Variants in CARMIL3 observed in about 807,000 individuals in gnomAD.
The protein encoded by CARMIL3 is capping protein regulator and myosin 1 linker 3, also known as capping protein, Arp2/3 and myosin-I linker protein 3.
Under a neutral mutation model 180.8 loss-of-function variants are expected in CARMIL3, and 88 were observed. That is an observed-to-expected ratio of 0.49 (90% CI 0.41 to 0.58). The LOEUF (loss-of-function observed/expected upper bound fraction) is 0.58, where lower values mean the gene tolerates loss of function less well. Among genes scored for constraint, CARMIL3 ranks in the 20% least tolerant of loss-of-function variants. CARMIL3 has a pLI of 0.00. For synonymous variants in CARMIL3, 696 were observed against 714.5 expected (o/e 0.97, Z 0.41); for missense variants, 1,548 against 1,787.0 (o/e 0.87, Z 2.41).
intron 32 of CARMIL3, among the ~76,000 whole-genome samples, 183 bp from the exon 33 acceptor site, chr14:24,064,775 G>A (rs1348283970): frequency 6.6e-6 from 1 of 152,150 alleles, no homozygotes; most frequent in Non-Finnish European, 1.5e-5. Context: ...ACATCAGTCT[G>A]CGGGAAAGGC....
chr14:24,053,670 G>T, intron 1 of CARMIL3, 39 bp from the exon 2 acceptor site: 3 of 1,530,056 alleles, frequency 2.0e-6, no homozygotes, highest in East Asian at 4.5e-5. Flanking sequence ...GGTGGCCAGG[G>T]TAAGGTGAAG....
rs1262499387 is a variant in CARMIL3 at position 24,054,855 on chromosome 14, C to T, written c.460+47C>T. On this transcript the variant is annotated intron_variant, in intron 6 of 39. Transcript: ENST00000342740. The surrounding 1 kb of genome is among the most constrained non-coding windows in gnomAD (Gnocchi z 5.1). The stretch of plus-strand genomic sequence containing the variant: ...GAAAGTAGGCGCTCCACCATCTTGC[C>T]CCATGATCAGAGCCCTTTGTGCACA... 1.3e-6 allele frequency: 2 copies of T among 1,576,156 alleles called. No individual in the cohort carries two copies. Among genetic ancestry groups the T allele is most frequent in the Non-Finnish European group, 1.7e-6 (2 of 1,148,794 alleles).
chr14:24,069,421 C>CT lies in CARMIL3; in HGVS notation c.*18dup, dbSNP rs1427563203. ...ACAGACTGACAACTGCCACAACACC[C>CT]TCCTCAGCCCTCGACATGTGCCTCG... On this transcript the variant is annotated 3_prime_UTR_variant, in exon 40 of 40. Transcript: ENST00000342740. The CT allele has an allele frequency of 6.2e-6, 10 of 1,614,044 alleles. No homozygotes were observed. The highest frequency in any genetic ancestry group is 7.6e-6 in the Non-Finnish European group (9 of 1,180,026).
chr14:24,059,457 G>A lies in CARMIL3; in HGVS notation c.1799+15G>A, dbSNP rs768564857. 17 of 1,557,080 alleles carry A rather than the reference G, an allele frequency of 1.1e-5. No individual in the cohort carries two copies. The African/African-American group carries it at 1.2e-4, about 11-fold the overall frequency. ...TCCTCCCTCAGGTGGGGCCCACACCGGGACCCCCTGACCTGGAGCCCCAGC... is the reference window on the plus strand; with the variant it reads ...TCCTCCCTCAGGTGGGGCCCACACCAGGACCCCCTGACCTGGAGCCCCAGC... On this transcript the variant is annotated intron_variant, in intron 21 of 39. Coordinates refer to ENST00000342740, the MANE Select transcript of CARMIL3 (RefSeq NM_138360.4). The surrounding 1 kb of genome is among the most constrained non-coding windows in gnomAD (Gnocchi z 6.3).
At chr14:24,060,434 C>T (rs1031372856) in intron 24 of CARMIL3, among the ~76,000 whole-genome samples, 179 bp downstream of exon 24, 5 of 152,104 alleles carry the variant, frequency 3.3e-5, no homozygotes, top group Admixed American at 1.3e-4. Context: ...CATATGTGGG[C>T]GAACAGCAGG....
At position 24,055,116 on chromosome 14, in the gene CARMIL3, T is replaced by A. The variant is rs760155602; in HGVS notation, c.511T>A (p.Cys171Ser). ...TCTGTGTGACTACAATGGGCTACAC[T>A]GCCGTGAGGAGGTTCAATGGGTATG... is the stretch of plus-strand genomic sequence containing the variant. ...AALCDYNGLH[C>S]REEVQWDVDT... The change falls in exon 7 of 40, where the codon TGC becomes AGC. Residue 171 changes from cysteine to serine, a missense_variant. Transcript: ENST00000342740. The A allele has an allele frequency of 6.2e-7, 1 of 1,613,924 alleles. No individual in the cohort carries two copies. Among genetic ancestry groups the A allele is most frequent in the Non-Finnish European group, 8.5e-7 (1 of 1,180,008 alleles).
chr14:24,053,631 CCTCTATCTGGAGAG>C lies in CARMIL3; in HGVS notation c.41-73_41-60del, dbSNP rs533647732. On this transcript the variant is annotated intron_variant, in intron 1 of 39. Coordinates refer to ENST00000342740, the MANE Select transcript of CARMIL3 (RefSeq NM_138360.4). Reference sequence around the variant, plus strand: ...CTTATCCCATTTGACCCTGACCCTGCCTCTATCTGGAGAGCTCTGGGAGGTGGGGGTGGCCAGGG... The same window carrying C: ...CTTATCCCATTTGACCCTGACCCTGCCTCTGGGAGGTGGGGGTGGCCAGGG... The C allele has an allele frequency of 6.3e-4, 663 of 1,056,690 alleles. 4 individuals carry two copies. The East Asian group carries it at 9.0e-3, about 14-fold the overall frequency. The allele number at this position is 1,056,690 out of a possible 1,614,324, so 65.5% of individuals were successfully genotyped here. A position where few individuals can be genotyped will look rare whatever the true frequency, so the allele number is the denominator to read the frequency against.
At chr14:24,067,877 TCAGA>T (rs753855882) in intron 36 of CARMIL3, among the ~76,000 whole-genome samples, 6 of 152,374 alleles carry the variant, frequency 3.9e-5, no homozygotes, top group East Asian at 3.9e-4. Flanking sequence ...AATCAGACTT[TCAGA>T]CAGAGTTCTG....
chr14:24,064,109 AAAG>A (rs878964881), intron 31 of CARMIL3, 134 bp from the exon 32 acceptor site: 11,699 of 502,038 alleles, frequency 0.023, 77 homozygotes, highest in East Asian at 0.073. Context: ...AAAAAAAAAA[AAAG>A]AAAAAGAAAC....
Position 24,056,384 on chromosome 14 carries a change from G to T in CARMIL3, c.856G>T (p.Glu286Ter). The T allele has an allele frequency of 6.2e-7, 1 of 1,613,038 alleles. No individual in the cohort carries two copies. Among genetic ancestry groups the T allele is most frequent in the Non-Finnish European group, 8.5e-7 (1 of 1,179,300 alleles). Residue 286 changes from glutamate to a stop codon, truncating the protein, a stop_gained, in exon 11 of 40, where the codon GAG becomes TAG. Coordinates refer to ENST00000342740, the MANE Select transcript of CARMIL3 (RefSeq NM_138360.4). LOFTEE classifies it high-confidence loss of function. ...HALTLSHNPI[E>*]DKGFLSLSQQ... ...CCTCACTCTGTCCCACAACCCCATC[G>T]AGGACAAGGGTGAGCCCCAGCCCTG...
intron 1 of CARMIL3, 50 bp from the exon 2 acceptor site, chr14:24,053,659 G>C: frequency 7.1e-7 from 1 of 1,409,776 alleles, no homozygotes; most frequent in Non-Finnish European, 9.8e-7. Flanking sequence ...TGGGAGGTGG[G>C]GGTGGCCAGG....
At chr14:24,069,062 A>C in intron 38 of CARMIL3, 75 bp from the exon 39 acceptor site, 1 of 1,597,096 alleles carries the variant, frequency 6.3e-7, no homozygotes. Context: ...AGTGACAACC[A>C]GGAGTCACAG....
Position 24,059,224 on chromosome 14 carries a change from G to A in CARMIL3, c.1626+35G>A, listed in dbSNP as rs776926672. 96 of 1,613,666 alleles carry A rather than the reference G, an allele frequency of 5.9e-5. No individual in the cohort carries two copies. In the Admixed American group the frequency reaches 1.1e-3, roughly 19 times the overall value. The stretch of plus-strand genomic sequence containing the variant: ...TGGGCCTGGGAGGGGACCTGCAGTC[G>A]GAGGAGGCTGTGGGGACTGGGTCCA... On this transcript the variant is annotated intron_variant, in intron 20 of 39. Coordinates refer to ENST00000342740, the MANE Select transcript of CARMIL3 (RefSeq NM_138360.4). The surrounding 1 kb of genome is among the most constrained non-coding windows in gnomAD (Gnocchi z 6.3).
Position 24,068,954 on chromosome 14 carries a change from C to G in CARMIL3, c.3970C>G (p.Pro1324Ala). 6.4e-7 allele frequency: 1 copy of G among 1,561,506 alleles called. No individual in the cohort carries two copies. Among genetic ancestry groups the G allele is most frequent in the Non-Finnish European group, 8.7e-7 (1 of 1,152,080 alleles). The change falls in exon 38 of 40, where the codon CCC (proline) becomes GCC (alanine). Residue 1324 changes from proline (P) to alanine (A), a missense_variant. Physicochemically the swap from Pro to Ala is conservative, Grantham distance 27 (BLOSUM62 -1). Coordinates refer to ENST00000342740, the MANE Select transcript of CARMIL3 (RefSeq NM_138360.4). ...RLSSQQDQEEPEVQGPPDPGR... is the reference protein window; with the variant it reads ...RLSSQQDQEEAEVQGPPDPGR... ...GAGCTCACAGCAAGACCAAGAGGAG[C>G]CCGAAGTCCAAGGTCTGCCACCCTG...
rs1472893928 is a variant in CARMIL3, at chr14:24,063,329, G to A, written c.2775G>A (p.Gly925=). The A allele has an allele frequency of 3.8e-6, 6 of 1,595,726 alleles. No homozygotes were observed. In the South Asian group the frequency reaches 5.6e-5, roughly 15 times the overall value. The change falls in exon 31 of 40, where the codon GGG becomes GGA. Residue 925 remains glycine (G), a synonymous_variant. Coordinates refer to ENST00000342740, the MANE Select transcript of CARMIL3 (RefSeq NM_138360.4). ...KIRPVSAFIS[G]SPQDMESQLG... ...CTAATGCTGCTGTCTTTGCAGGCGG[G>A]AGCCCTCAGGACATGGAAAGCCAAC...
At chr14:24,063,714 A>C (rs184875939) in intron 31 of CARMIL3, among the ~76,000 whole-genome samples, 181 bp downstream of exon 31, 30 of 152,272 alleles carry the variant, frequency 2.0e-4, no homozygotes, top group Non-Finnish European at 3.4e-4. Context: ...CTTGTCACAG[A>C]TAAGAAAGCT....
Position 24,056,309 on chromosome 14 carries a change from C to G in CARMIL3, c.781C>G (p.Gln261Glu). 6.2e-7 allele frequency: 1 copy of G among 1,613,860 alleles called. No homozygotes were observed. Among genetic ancestry groups the G allele is most frequent in the Non-Finnish European group, 8.5e-7 (1 of 1,179,838 alleles). ...TCCCCTTCCCTGAAGGGACTTTGTC[C>G]AGAAGCTGGCCGGGGTGTTTGGGGA... Reference protein sequence around the residue: ...DNAGLKTDFVQKLAGVFGENG... With the variant: ...DNAGLKTDFVEKLAGVFGENG... The change falls in exon 11 of 40, where the codon CAG becomes GAG. Residue 261 changes from glutamine (Q) to glutamate (E), a missense_variant. Gln to Glu is a conservative substitution (Grantham distance 29, BLOSUM62 2). This residue lies in a region of CARMIL3 where 578 missense variants were observed against 666.5 expected (regional missense o/e 0.87). Coordinates refer to ENST00000342740, the MANE Select transcript of CARMIL3 (RefSeq NM_138360.4).
intron 8 of CARMIL3, 83 bp downstream of exon 8, chr14:24,055,393 C>G: frequency 1.3e-6 from 2 of 1,523,632 alleles, no homozygotes; most frequent in Non-Finnish European, 9.1e-7. Context: ...CCCTTCTGGT[C>G]CCACAGCCCC....
chr14:24,068,336 G>A (rs2035811950), intron 36 of CARMIL3, among the ~76,000 whole-genome samples: 1 of 151,078 alleles, frequency 6.6e-6, no homozygotes, highest in East Asian at 1.9e-4. Flanking sequence ...GGTGGAGGTT[G>A]CAGTGAGCCA....
Sources: gnomAD v4.1 joint callset for allele counts (sites outside exome capture counted in the v4.1 genomes callset) on GRCh38, gnomAD v4.1.1 for gene constraint, gnomAD v4.1.1 regional missense constraint, Gnocchi (gnomAD v3.1) non-coding constraint, MANE v1.5 for transcripts, NCBI Gene and HGNC (gene_info 2026-07-23, HGNC 2026-07-21) for gene names.